The following LGSN variants were observed in gnomAD, a reference collection of about 807,000 sequenced individuals.
LGSN encodes lengsin.
Under a neutral mutation model 19.5 loss-of-function variants are expected in LGSN, and 21 were observed. The ratio of observed to expected loss-of-function variants is 1.07; its 90% CI spans 0.76 to 1.55. LGSN has a LOEUF of 1.55. Among genes scored for constraint, LGSN ranks in the 40% most tolerant of loss-of-function variants. LGSN has a pLI of 0.00. For missense variants in LGSN, 673 were observed against 608.5 expected (o/e 1.11, Z -1.12); for synonymous variants, 257 against 215.6 (o/e 1.19, Z -1.68).
At chr6:63,425,630 G>A in the LGSN span, among the ~76,000 whole-genome samples, 1 of 152,038 alleles carries the variant, frequency 6.6e-6, no homozygotes, top group Admixed American at 6.6e-5. Context: ...GAAGGGAGAA[G>A]GGAAGTAGGT....
At chr6:63,397,254 T>C in the LGSN span, 1 of 152,064 alleles carries the variant, frequency 6.6e-6, no homozygotes, top group African/African-American at 2.4e-5. Flanking sequence ...CCATGCACCA[T>C]CTAAGAAATC....
At chr6:63,573,316 C>G in the LGSN span, 1 of 152,240 alleles carries the variant, frequency 6.6e-6, no homozygotes, top group Non-Finnish European at 1.5e-5. Flanking sequence ...GTAGGCCGGA[C>G]AGCCAGGCAC....
At chr6:63,505,299 G>T in the LGSN span, among the ~76,000 whole-genome samples, 1 of 151,644 alleles carries the variant, frequency 6.6e-6, no homozygotes, top group African/African-American at 2.4e-5. Flanking sequence ...AAGTAAAGCC[G>T]GGCGTAGTGT....
chr6:63,386,918 TG>T, the LGSN span, among the ~76,000 whole-genome samples: 2 of 152,094 alleles, frequency 1.3e-5, no homozygotes, highest in African/African-American at 4.8e-5. Flanking sequence ...CTGACCAATA[TG>T]GTGAAACCTC....
chr6:63,358,697 T>A, the LGSN span, among the ~76,000 whole-genome samples: 12 of 152,248 alleles, frequency 7.9e-5, no homozygotes, highest in African/African-American at 2.9e-4. Flanking sequence ...GCTGAGACTT[T>A]GCTGAAGTTG....
the LGSN span, among the ~76,000 whole-genome samples, chr6:63,547,481 C>T: frequency 2.0e-5 from 3 of 149,326 alleles, no homozygotes; most frequent in Admixed American, 6.7e-5. Flanking sequence ...TCTGCCACCT[C>T]GCCCGGCCAG....
the LGSN span, among the ~76,000 whole-genome samples, chr6:63,470,714 A>T: frequency 6.6e-6 from 1 of 152,058 alleles, no homozygotes. Context: ...GCCGCCAGAG[A>T]TGGACATATA....
chr6:63,560,354 A>G, the LGSN span, among the ~76,000 whole-genome samples: 51 of 149,846 alleles, frequency 3.4e-4, no homozygotes, highest in East Asian at 2.3e-3. Flanking sequence ...AAAAAAAAAA[A>G]AAAGAAAGAA....
At chr6:63,314,097 C>T (rs1288066129) in intron 1 of LGSN, among the ~76,000 whole-genome samples, 1 of 151,862 alleles carries the variant, frequency 6.6e-6, no homozygotes, top group African/African-American at 2.4e-5. Flanking sequence ...GAAGAAAGAG[C>T]AGAGTTAAGA....
chr6:63,447,110 C>G, the LGSN span, among the ~76,000 whole-genome samples: 1 of 152,200 alleles, frequency 6.6e-6, no homozygotes. Context: ...TAGCAGTTAA[C>G]AGCAAAACAA....
At chr6:63,485,282 T>G in the LGSN span, among the ~76,000 whole-genome samples, 1 of 152,174 alleles carries the variant, frequency 6.6e-6, no homozygotes, top group African/African-American at 2.4e-5. Flanking sequence ...TGAGAACATG[T>G]GGCATTTGGT....
chr6:63,323,559 T>TAC (rs58400159), upstream of LGSN, among the ~76,000 whole-genome samples: 32,024 of 132,438 alleles, frequency 0.24, 4,106 homozygotes, highest in East Asian at 0.33. Flanking sequence ...AAACCTCATA[T>TAC]ACACACACAC....
At chr6:63,327,431 G>A in the LGSN span, among the ~76,000 whole-genome samples, 8 of 152,142 alleles carry the variant, frequency 5.3e-5, no homozygotes, top group Admixed American at 2.0e-4. Context: ...TCCTGTAAAC[G>A]CTGGGCGGCA....
chr6:63,293,772 A>AT (rs1767863863), intron 2 of LGSN: 1 of 456,576 alleles, frequency 2.2e-6, no homozygotes. Flanking sequence ...ATCATATGAC[A>AT]GATGAGACTC....
chr6:63,464,309 C>A, the LGSN span, among the ~76,000 whole-genome samples: 1 of 152,104 alleles, frequency 6.6e-6, no homozygotes, highest in Admixed American at 6.6e-5. Context: ...TGACCTATTG[C>A]ATGTAACTGT....
At chr6:63,474,328 G>A in the LGSN span, among the ~76,000 whole-genome samples, 3 of 152,218 alleles carry the variant, frequency 2.0e-5, no homozygotes. Flanking sequence ...GGGAAAACGG[G>A]ACGGGCGCAG....
At chr6:63,488,961 T>C in the LGSN span, among the ~76,000 whole-genome samples, 1 of 152,176 alleles carries the variant, frequency 6.6e-6, no homozygotes, top group Non-Finnish European at 1.5e-5. Context: ...TTCTGGAAAG[T>C]CACTTGAAAA....
At chr6:63,401,601 G>T in the LGSN span, among the ~76,000 whole-genome samples, 1 of 152,210 alleles carries the variant, frequency 6.6e-6, no homozygotes, top group African/African-American at 2.4e-5. Context: ...AATTTAAACC[G>T]ATGTATTCAT....
the LGSN span, among the ~76,000 whole-genome samples, chr6:63,495,650 A>C: frequency 6.6e-6 from 1 of 151,260 alleles, no homozygotes; most frequent in Non-Finnish European, 1.5e-5. Context: ...GGATTTTACC[A>C]TGTTGACCAG....
Sources: allele counts gnomAD v4.1 joint callset (sites outside exome capture counted in the v4.1 genomes callset), GRCh38; gene constraint gnomAD v4.1.1; transcripts MANE v1.5; gene names NCBI Gene and HGNC (gene_info 2026-07-23, HGNC 2026-07-21).